BRINP2: variants seen among roughly 807,000 people sequenced by gnomAD.
BRINP2 encodes the protein BMP/retinoic acid-inducible neural-specific protein 2.
A neutral mutation model predicts 69.2 loss-of-function variants in BRINP2; 21 were observed. The ratio of observed to expected loss-of-function variants is 0.30; its 90% confidence interval spans 0.22 to 0.44. BRINP2 has a LOEUF of 0.44. Ranked by LOEUF, BRINP2 falls within the 20% of genes least tolerant of loss-of-function variation. BRINP2 has a pLI of 1.00. For missense variants in BRINP2, 877 were observed against 986.0 expected (o/e 0.89, Z 1.48); for synonymous variants, 380 against 394.1 (o/e 0.96, Z 0.42).
intron 2 of BRINP2, among the ~76,000 whole-genome samples, chr1:177,239,998 TG>T (rs1650145173): frequency 6.6e-6 from 1 of 152,270 alleles, no homozygotes; most frequent in East Asian, 1.9e-4. Context: ...GATGTGACAG[TG>T]AATCAGAGTG....
chr1:177,229,072 T>C (rs1033032924), intron 1 of BRINP2, among the ~76,000 whole-genome samples: 1 of 152,188 alleles, frequency 6.6e-6, no homozygotes, highest in African/African-American at 2.4e-5. Flanking sequence ...GGATTATGGA[T>C]ATCCTTGAGA....
intron 5 of BRINP2, among the ~76,000 whole-genome samples, chr1:177,274,581 A>T (rs1473775679): frequency 6.6e-6 from 1 of 152,228 alleles, no homozygotes; most frequent in Non-Finnish European, 1.5e-5. Flanking sequence ...TCTGGAAAGT[A>T]GCAGTGAGTG....
At chr1:177,172,618 A>C (rs999021423) in intron 1 of BRINP2, among the ~76,000 whole-genome samples, 1 of 152,122 alleles carries the variant, frequency 6.6e-6, no homozygotes, top group African/African-American at 2.4e-5. Context: ...TCTTCTCCTC[A>C]CCAAGCAGTC....
Position 177,278,660 on chromosome 1 carries a change from C to T in BRINP2, c.1110C>T (p.His370=). 2 of 1,614,210 alleles carry T rather than the reference C, an allele frequency of 1.2e-6. No individual in the cohort carries two copies. Among genetic ancestry groups the T allele is most frequent in the Non-Finnish European group, 1.7e-6 (2 of 1,180,036 alleles). Residue 370 remains histidine (H), a synonymous_variant, in exon 7 of 8, where the codon CAC becomes CAT. Coordinates refer to ENST00000361539, the MANE Select transcript of BRINP2 (RefSeq NM_021165.4). Reference sequence around the variant, plus strand: ...GGGCCATGGACACCAGCCTTCAGCACCGCTACCAGCAGCTGGGAGCTGGCT... The same window carrying T: ...GGGCCATGGACACCAGCCTTCAGCATCGCTACCAGCAGCTGGGAGCTGGCT... ...QFWAMDTSLQ[H]RYQQLGAGLK...
At chr1:177,274,054 C>A (rs980607731) in intron 5 of BRINP2, among the ~76,000 whole-genome samples, 2 of 152,002 alleles carry the variant, frequency 1.3e-5, no homozygotes, top group Non-Finnish European at 2.9e-5. Flanking sequence ...GGGACCACTA[C>A]TTACTGGAAC....
intron 1 of BRINP2, among the ~76,000 whole-genome samples, chr1:177,226,575 A>G (rs999149139): frequency 3.3e-5 from 5 of 149,522 alleles, no homozygotes; most frequent in Admixed American, 1.3e-4. Context: ...ATTACCACAA[A>G]CTTAATGGCA....
chr1:177,227,977 G>C (rs1042226594), intron 1 of BRINP2, among the ~76,000 whole-genome samples: 7 of 152,086 alleles, frequency 4.6e-5, no homozygotes, highest in Non-Finnish European at 1.0e-4. Context: ...CATTAAGCGA[G>C]GTTCTGTCTT....
At chr1:177,213,099 C>T (rs908679366) in intron 1 of BRINP2, among the ~76,000 whole-genome samples, 1 of 152,134 alleles carries the variant, frequency 6.6e-6, no homozygotes, top group African/African-American at 2.4e-5. Context: ...AATCTTTGAT[C>T]ATTTGTTCCA....
chr1:177,223,524 C>A (rs1649604576), intron 1 of BRINP2, among the ~76,000 whole-genome samples: 1 of 152,134 alleles, frequency 6.6e-6, no homozygotes, highest in Admixed American at 6.5e-5. Flanking sequence ...TGAACAGAGG[C>A]AAGTGAGGTT....
chr1:177,256,244 T>G, intron 3 of BRINP2, 135 bp downstream of exon 3: 1 of 1,422,360 alleles, frequency 7.0e-7, no homozygotes, highest in Non-Finnish European at 9.3e-7. Context: ...CTGGTGCATT[T>G]GAAAACAGTG....
chr1:177,257,132 G>A (rs1162098229), intron 3 of BRINP2, 44 bp from the exon 4 acceptor site: 2 of 1,608,668 alleles, frequency 1.2e-6, no homozygotes, highest in Non-Finnish European at 8.5e-7. Flanking sequence ...TAGGGGATTC[G>A]AGAGCAGAGA....
At position 177,171,549 on chromosome 1, in the gene BRINP2, A is replaced by AG. The variant is rs752900576; in HGVS notation, c.-255dup. On this transcript the variant is annotated 5_prime_UTR_variant, in exon 1 of 8. Coordinates refer to ENST00000361539, the MANE Select transcript of BRINP2 (RefSeq NM_021165.4). ...GACATCCGCTCCCTCTCACACGCTG[A>AG]GGGGGAGGCATTCGCGTTTCCCCAA... is the stretch of plus-strand genomic sequence containing the variant. The AG allele has an allele frequency of 6.5e-6, 1 of 153,156 alleles. No homozygotes were observed. Among genetic ancestry groups the AG allele is most frequent in the Non-Finnish European group, 1.5e-5 (1 of 68,206 alleles). The allele number at this position is 153,156 out of a possible 1,614,324, so 9.5% of individuals were successfully genotyped here.
At chr1:177,242,890 G>T (rs758742199) in intron 2 of BRINP2, among the ~76,000 whole-genome samples, 1 of 152,082 alleles carries the variant, frequency 6.6e-6, no homozygotes, top group African/African-American at 2.4e-5. Flanking sequence ...AGACTGACTG[G>T]GTTAAATTGC....
chr1:177,236,031 T>C (rs1455954912), intron 2 of BRINP2, among the ~76,000 whole-genome samples: 1 of 152,146 alleles, frequency 6.6e-6, no homozygotes, highest in African/African-American at 2.4e-5. Context: ...TAGAGCAAAA[T>C]TAGAGGCAAT....
intron 2 of BRINP2, 38 bp downstream of exon 2, chr1:177,230,183 A>G: frequency 6.4e-7 from 1 of 1,559,602 alleles, no homozygotes; most frequent in South Asian, 1.2e-5. Flanking sequence ...GGCTTCCCTA[A>G]GAACCCAACC....
intron 1 of BRINP2, among the ~76,000 whole-genome samples, chr1:177,192,957 G>A (rs1297098392): frequency 6.6e-6 from 1 of 152,148 alleles, no homozygotes; most frequent in African/African-American, 2.4e-5. Context: ...GACTGAAGTA[G>A]GAGCCAGCCT....
intron 1 of BRINP2, among the ~76,000 whole-genome samples, chr1:177,208,987 C>A (rs1367294113): frequency 6.6e-6 from 1 of 152,130 alleles, no homozygotes; most frequent in Non-Finnish European, 1.5e-5. Context: ...TACAACTGTG[C>A]TGCATCACCA....
At chr1:177,262,074 G>A (rs1650971702) in intron 4 of BRINP2, among the ~76,000 whole-genome samples, 1 of 152,116 alleles carries the variant, frequency 6.6e-6, no homozygotes, top group African/African-American at 2.4e-5. Context: ...AGCAAAGTGA[G>A]GAATCAGATA....
intron 1 of BRINP2, among the ~76,000 whole-genome samples, chr1:177,217,760 C>T (rs1030939559): frequency 6.6e-6 from 1 of 152,256 alleles, no homozygotes; most frequent in Middle Eastern, 3.4e-3. Flanking sequence ...GATGGCTGGG[C>T]TACTGCTTTT....
Sources: allele counts gnomAD v4.1 joint callset (sites outside exome capture counted in the v4.1 genomes callset), GRCh38; gene constraint gnomAD v4.1.1; transcripts MANE v1.5; gene names NCBI Gene and HGNC (gene_info 2026-07-23, HGNC 2026-07-21).